EFHC1: variants seen among roughly 807,000 people sequenced by gnomAD.
The protein encoded by EFHC1 is EF-hand domain-containing protein 1.
Under a neutral mutation model 69.9 loss-of-function variants are expected in EFHC1, and 53 were observed. That is an observed-to-expected ratio of 0.76 (90% CI 0.61 to 0.95). The LOEUF is 0.95. Among genes scored for constraint, EFHC1 ranks in the 40% least tolerant of loss-of-function variants. EFHC1 has a pLI of 0.00. For synonymous variants in EFHC1, 256 were observed against 278.4 expected (o/e 0.92, Z 0.80); for missense variants, 739 against 798.7 (o/e 0.93, Z 0.90).
chr6:52,423,909 T>G, intron 1 of EFHC1, 37 bp from the exon 2 acceptor site: 1 of 1,612,296 alleles, frequency 6.2e-7, no homozygotes, highest in Non-Finnish European at 8.5e-7. Flanking sequence ...CAAATATTTG[T>G]CTAATGTTAT....
rs190310938 is a variant in EFHC1 at position 52,473,526 on chromosome 6, A to G, written c.1278+4053A>G. On this transcript the variant is annotated intron_variant, in intron 7 of 10. Coordinates refer to ENST00000371068, the MANE Select transcript of EFHC1 (RefSeq NM_018100.4). Reference sequence around the variant, plus strand: ...CCGGGCACGGTGGTTCATGCCTGTAATCCCAGCACTTTGGGAGACCAAGGT... The same window carrying G: ...CCGGGCACGGTGGTTCATGCCTGTAGTCCCAGCACTTTGGGAGACCAAGGT... Among the ~76,000 whole-genome samples, 132 of 152,302 alleles carry G rather than the reference A, an allele frequency of 8.7e-4. 2 individuals are homozygous for G. Among genetic ancestry groups the G allele is most frequent in the African/African-American group, 2.9e-3 (122 of 41,574 alleles).
intron 9 of EFHC1, among the ~76,000 whole-genome samples, chr6:52,489,741 T>G (rs1765856951): frequency 6.6e-6 from 1 of 152,220 alleles, no homozygotes; most frequent in African/African-American, 2.4e-5. Flanking sequence ...TATATTTATA[T>G]CTATCATCTC....
At position 52,467,217 on chromosome 6, in the gene EFHC1, T is replaced by C. The variant is rs1765327393; in HGVS notation, c.1137+2102T>C. 2.0e-5 allele frequency among the ~76,000 whole-genome samples: 3 copies of C among 151,284 alleles called. 1 individual carries two copies. The South Asian group carries it at 6.3e-4, about 32-fold the overall frequency. ...TTTTTTTTAAGACAGGGTCTTGCTC[T>C]GTGTCCCAGGCTGGAGTGCAGTGGT... is the stretch of plus-strand genomic sequence containing the variant. On this transcript the variant is annotated intron_variant, in intron 6 of 10. Transcript: ENST00000371068.
intron 3 of EFHC1, among the ~76,000 whole-genome samples, chr6:52,445,543 T>C (rs191091624): frequency 8.9e-4 from 136 of 151,956 alleles, no homozygotes; most frequent in Admixed American, 7.9e-3. Context: ...GAAGGGTTTT[T>C]TGTGTCTCTA....
intron 6 of EFHC1, among the ~76,000 whole-genome samples, chr6:52,467,562 C>T (rs73445981): frequency 0.13 from 19,845 of 151,852 alleles, 1,366 homozygotes; most frequent in Middle Eastern, 0.25. Flanking sequence ...TCTTTTTTTT[C>T]TCCTAACCTA....
chr6:52,453,031 G>A (rs774923164), intron 4 of EFHC1, 194 bp downstream of exon 4: 70 of 1,528,712 alleles, frequency 4.6e-5, no homozygotes, highest in Non-Finnish European at 5.3e-5. Context: ...TTCATATGGA[G>A]ATCCAAAGAA....
At chr6:52,441,285 T>C (rs1764657319) in intron 3 of EFHC1, among the ~76,000 whole-genome samples, 1 of 152,186 alleles carries the variant, frequency 6.6e-6, no homozygotes, top group South Asian at 2.1e-4. Flanking sequence ...ATTTAAGTCT[T>C]TTATCTATCT....
At position 52,478,905 on chromosome 6, in the gene EFHC1, A is replaced by G. The variant is rs907274508; in HGVS notation, c.1279-132A>G. The G allele has an allele frequency of 4.8e-6, 4 of 837,482 alleles. No individual in the cohort carries two copies. In the East Asian group the frequency reaches 1.0e-4, roughly 22 times the overall value. 51.9% of individuals were successfully genotyped at this position (837,482 alleles called of 1,614,324 possible). A position where few individuals can be genotyped will look rare whatever the true frequency, so the allele number is the denominator to read the frequency against. ...CAGAGACACCAGAGTTTCCCCATAG[A>G]TGGTTTGTTTATATTGTAAAAACCC... On this transcript the variant is annotated intron_variant, in intron 7 of 10. Coordinates refer to ENST00000371068, the MANE Select transcript of EFHC1 (RefSeq NM_018100.4).
intron 3 of EFHC1, among the ~76,000 whole-genome samples, chr6:52,438,883 G>A (rs1157375884): frequency 6.6e-6 from 1 of 152,150 alleles, no homozygotes; most frequent in Non-Finnish European, 1.5e-5. Context: ...AGGGAGTAGG[G>A]GAATAGCATC....
chr6:52,479,860 A>C, intron 9 of EFHC1, 73 bp downstream of exon 9: 1 of 1,588,822 alleles, frequency 6.3e-7, no homozygotes, highest in African/African-American at 1.3e-5. Flanking sequence ...ACAAATGAGT[A>C]ATCACATTTT....
intron 3 of EFHC1, among the ~76,000 whole-genome samples, chr6:52,447,555 G>A (rs1287305821): frequency 6.6e-6 from 1 of 152,196 alleles, no homozygotes; most frequent in African/African-American, 2.4e-5. Flanking sequence ...ATTGTCTGAA[G>A]CCTTTTTCTC....
rs1455395263 is a variant in EFHC1 at position 52,444,968 on chromosome 6, C to A, written c.573+6377C>A. ...ATTAATTATTGCCTCAATTTCAGAA[C>A]CTGTTATTGGTCTATTCAGGGATTC... On this transcript the variant is annotated intron_variant, in intron 3 of 10. Coordinates refer to ENST00000371068, the MANE Select transcript of EFHC1 (RefSeq NM_018100.4). 2.0e-5 allele frequency among the ~76,000 whole-genome samples: 3 copies of A among 151,898 alleles called. No individual in the cohort carries two copies. In the East Asian group the frequency reaches 5.8e-4, roughly 29 times the overall value.
At chr6:52,464,239 A>G (rs1337105809) in intron 5 of EFHC1, among the ~76,000 whole-genome samples, 1 of 152,212 alleles carries the variant, frequency 6.6e-6, no homozygotes, top group East Asian at 1.9e-4. Flanking sequence ...ACATTTGGAA[A>G]TTATTTATTC....
chr6:52,463,513 T>C (rs1765222203), intron 5 of EFHC1, among the ~76,000 whole-genome samples: 1 of 152,160 alleles, frequency 6.6e-6, no homozygotes, highest in African/African-American at 2.4e-5. Context: ...ACAAACCCTT[T>C]TAGAGAGAAG....
intron 7 of EFHC1, among the ~76,000 whole-genome samples, chr6:52,474,742 CAA>C (rs996199272): frequency 3.3e-5 from 5 of 152,072 alleles, no homozygotes; most frequent in African/African-American, 1.2e-4. Flanking sequence ...AATCCAGACA[CAA>C]AAGAATGCAT....
chr6:52,440,757 G>A (rs1388811146), intron 3 of EFHC1, among the ~76,000 whole-genome samples: 1 of 152,088 alleles, frequency 6.6e-6, no homozygotes, highest in Non-Finnish European at 1.5e-5. Flanking sequence ...CATCACCAGT[G>A]TATAAACATT....
intron 7 of EFHC1, among the ~76,000 whole-genome samples, chr6:52,478,567 C>T (rs891171928): frequency 2.0e-5 from 3 of 151,946 alleles, no homozygotes; most frequent in Non-Finnish European, 2.9e-5. Flanking sequence ...AAAAACGAAA[C>T]CTTGCATAAT....
intron 3 of EFHC1, among the ~76,000 whole-genome samples, chr6:52,440,521 T>C (rs182118223): frequency 6.6e-6 from 1 of 152,230 alleles, no homozygotes; most frequent in Admixed American, 6.5e-5. Flanking sequence ...ACATTTTCTT[T>C]TTCCAGTTTA....
chr6:52,424,298 CT>C, intron 2 of EFHC1, 131 bp downstream of exon 2: 1 of 872,224 alleles, frequency 1.1e-6, no homozygotes, highest in South Asian at 1.4e-5. Context: ...TGCCTTAACC[CT>C]TAGTCATGGA....
Sources: gnomAD v4.1 joint callset for allele counts (sites outside exome capture counted in the v4.1 genomes callset) on GRCh38, gnomAD v4.1.1 for gene constraint, MANE v1.5 for transcripts, NCBI Gene and HGNC (gene_info 2026-07-23, HGNC 2026-07-21) for gene names.